The following TP53BP1 variants were observed in gnomAD, a reference collection of about 807,000 sequenced individuals.
TP53BP1 encodes the protein TP53-binding protein 1.
TP53BP1 carries 61 observed loss-of-function variants against 200.8 expected under a neutral mutation model. That is an observed-to-expected ratio of 0.30 (90% CI 0.25 to 0.38). The LOEUF is 0.38. Among genes scored for constraint, TP53BP1 ranks in the 10% least tolerant of loss-of-function variants. The pLI, the probability that TP53BP1 is intolerant of heterozygous loss-of-function variation, is 1.00. For synonymous variants in TP53BP1, 822 were observed against 844.3 expected, an observed-to-expected ratio of 0.97 and a Z score of 0.46; for missense variants, 2,144 against 2,371.9, an observed-to-expected ratio of 0.90 and a Z score of 2.00.
chr15:43,470,076 A>C lies in TP53BP1; in HGVS notation c.1181-10T>G. 6.2e-7 allele frequency: 1 copy of C among 1,603,718 alleles called. No homozygotes were observed. Among genetic ancestry groups the C allele is most frequent in the Non-Finnish European group, 8.5e-7 (1 of 1,172,706 alleles). On this transcript the variant is annotated splice_polypyrimidine_tract_variant and intron_variant, in intron 10 of 27. Coordinates refer to ENST00000382044, the MANE Select transcript of TP53BP1 (RefSeq NM_001141980.3). The stretch of plus-strand genomic sequence containing the variant: ...GTGTCCATTGGCTTATCTGGTTTAA[A>C]ACAGGAGAAACAAATTGAGAAATAT...
At chr15:43,424,938 G>A (rs958237347) in intron 18 of TP53BP1, among the ~76,000 whole-genome samples, 1 of 152,124 alleles carries the variant, frequency 6.6e-6, no homozygotes, top group Non-Finnish European at 1.5e-5. Flanking sequence ...ATGGATTAAC[G>A]GAATTACGAG....
At chr15:43,480,490 G>T (rs113207999) in intron 5 of TP53BP1, among the ~76,000 whole-genome samples, 1,706 of 152,180 alleles carry the variant, frequency 0.011, 24 homozygotes, top group African/African-American at 0.039. Context: ...GTGCATTAAA[G>T]ATGAAGGGGG....
rs759268445 is a variant in TP53BP1, at chr15:43,405,207, G to A, written c.*2176C>T. On this transcript the variant is annotated 3_prime_UTR_variant, in exon 28 of 28. Transcript: ENST00000382044. ...GCTCTTTTTCTCTTTTGTAGTTTCG[G>A]GATGTGAAAATTTCTGGCTCATAAA... The A allele has an allele frequency of 6.2e-7, 1 of 1,614,078 alleles. No homozygotes were observed. The highest frequency in any genetic ancestry group is 8.5e-7 in the Non-Finnish European group (1 of 1,179,984).
At position 43,428,307 on chromosome 15, in the gene TP53BP1, C is replaced by A. The variant is rs2045596555; in HGVS notation, c.3676-139G>T. The A allele has an allele frequency of 9.4e-6, 7 of 744,884 alleles. No individual in the cohort carries two copies. In the South Asian group the frequency reaches 1.2e-4, roughly 12 times the overall value. The allele number at this position is 744,884 out of a possible 1,614,324, so 46.1% of individuals were successfully genotyped here. On this transcript the variant is annotated intron_variant, in intron 17 of 27. Transcript: ENST00000382044. Reference sequence around the variant, plus strand: ...GAATCTTCCTACTGTTTTGTTTTATCCACCTATAGGTAAGACCAGGGATGG... The same window carrying A: ...GAATCTTCCTACTGTTTTGTTTTATACACCTATAGGTAAGACCAGGGATGG...
At chr15:43,444,225 A>G (rs1405025810) in intron 14 of TP53BP1, among the ~76,000 whole-genome samples, 1 of 152,220 alleles carries the variant, frequency 6.6e-6, no homozygotes, top group Non-Finnish European at 1.5e-5. Context: ...ATCCAAAGGT[A>G]AAGTAAGATT....
intron 1 of TP53BP1, 145 bp from the exon 2 acceptor site, chr15:43,492,613 T>C: frequency 9.3e-6 from 6 of 644,886 alleles, no homozygotes. Flanking sequence ...ATATTTATAA[T>C]TGCTGCAAGC....
chr15:43,465,478 A>C (rs564319086), intron 11 of TP53BP1, among the ~76,000 whole-genome samples: 3 of 152,262 alleles, frequency 2.0e-5, no homozygotes, highest in South Asian at 4.2e-4. Flanking sequence ...GATCAAAAGT[A>C]GGAGGCAAAA....
chr15:43,447,207 T>C, intron 13 of TP53BP1, 159 bp downstream of exon 13: 2 of 669,756 alleles, frequency 3.0e-6, no homozygotes, highest in East Asian at 6.0e-5. Context: ...CATCTCCTAG[T>C]AGTAAAATCA....
intron 17 of TP53BP1, 62 bp from the exon 18 acceptor site, chr15:43,428,230 C>CACAAA (rs2045594898): frequency 1.4e-6 from 2 of 1,435,400 alleles, no homozygotes; most frequent in South Asian, 2.4e-5. Context: ...AATCACAAAT[C>CACAAA]TTATGCTTCA....
intron 12 of TP53BP1, among the ~76,000 whole-genome samples, chr15:43,452,801 C>T (rs549154792): frequency 1.3e-5 from 2 of 152,226 alleles, no homozygotes; most frequent in Admixed American, 6.5e-5. Flanking sequence ...GCAAAAAAAG[C>T]TGACTCTGCC....
chr15:43,446,710 GT>G, intron 13 of TP53BP1, 120 bp from the exon 14 acceptor site: 1 of 1,534,966 alleles, frequency 6.5e-7, no homozygotes, highest in Non-Finnish European at 8.8e-7. Flanking sequence ...ATTGAAGGAG[GT>G]TCCTAGGATA....
chr15:43,408,650 C>G (rs1029649866), intron 26 of TP53BP1: 1 of 487,110 alleles, frequency 2.1e-6, no homozygotes, highest in African/African-American at 1.9e-5. Flanking sequence ...AAACTTAGTT[C>G]TCTGACTTTA....
At chr15:43,492,964 G>A (rs1240938337) in intron 1 of TP53BP1, 73 bp downstream of exon 1, 5 of 1,592,896 alleles carry the variant, frequency 3.1e-6, no homozygotes, top group Non-Finnish European at 4.3e-6. Flanking sequence ...GCCCCCTCCG[G>A]TCAGCCATCC....
intron 9 of TP53BP1, among the ~76,000 whole-genome samples, chr15:43,475,202 A>C (rs1268420492): frequency 6.6e-6 from 1 of 152,248 alleles, no homozygotes; most frequent in Non-Finnish European, 1.5e-5. Flanking sequence ...CTTTGCCCTA[A>C]CATAAAGAAA....
At chr15:43,436,495 G>A (rs2045802244) in intron 16 of TP53BP1, among the ~76,000 whole-genome samples, 1 of 151,574 alleles carries the variant, frequency 6.6e-6, no homozygotes, top group South Asian at 2.1e-4. Context: ...TATTTTTTAA[G>A]ACATGGTCTC....
chr15:43,445,746 G>C (rs562627570), intron 14 of TP53BP1, among the ~76,000 whole-genome samples: 3 of 151,694 alleles, frequency 2.0e-5, no homozygotes, highest in African/African-American at 7.3e-5. Context: ...CTGCCTACTC[G>C]CTCCTCAAAT....
intron 10 of TP53BP1, among the ~76,000 whole-genome samples, chr15:43,471,221 T>C (rs963366833): frequency 2.0e-5 from 3 of 151,728 alleles, no homozygotes; most frequent in Non-Finnish European, 2.9e-5. Flanking sequence ...GAAAATACAC[T>C]GTTACATAAA....
chr15:43,407,889 A>G (rs2044966737), intron 27 of TP53BP1, 54 bp downstream of exon 27: 1 of 1,539,056 alleles, frequency 6.5e-7, no homozygotes. Context: ...CCTAACACCT[A>G]CAGGTCTAAG....
intron 1 of TP53BP1, among the ~76,000 whole-genome samples, chr15:43,503,440 C>T (rs920815026): frequency 3.3e-5 from 5 of 152,282 alleles, no homozygotes; most frequent in Admixed American, 2.0e-4. Context: ...GGTGGATTAC[C>T]TGATGTCAGG....
Sources: gnomAD v4.1 joint callset for allele counts (sites outside exome capture counted in the v4.1 genomes callset) on GRCh38, gnomAD v4.1.1 for gene constraint, MANE v1.5 for transcripts, NCBI Gene and HGNC (gene_info 2026-07-23, HGNC 2026-07-21) for gene names.